The following ATRX variants were observed in gnomAD, a reference collection of about 807,000 sequenced individuals.
The protein encoded by ATRX is chromatin remodeler ATRX.
Under a neutral mutation model 172.6 loss-of-function variants are expected in ATRX, and 12 were observed. The observed-to-expected ratio is 0.07, with a 90% CI of 0.04 to 0.11. The LOEUF (loss-of-function observed/expected upper bound fraction) is 0.11. Among genes scored for constraint, ATRX ranks in the 10% least tolerant of loss-of-function variants. The pLI is 1.00. For synonymous variants in ATRX, 674 were observed against 594.7 expected (o/e 1.13, Z -1.94); for missense variants, 1,368 against 1,767.4 (o/e 0.77, Z 4.05).
rs782255566 is a variant in ATRX at position 77,745,124 on chromosome X, G to A, written c.21-27881C>T. Among the ~76,000 whole-genome samples, 8 of 92,237 alleles carry A rather than the reference G, an allele frequency of 8.7e-5. No individual in the cohort carries two copies. The South Asian group carries it at 3.4e-3, about 39-fold the overall frequency. The allele number at this position is 92,237 out of a possible 115,157, so 80.1% of individuals were successfully genotyped here. On this transcript the variant is annotated intron_variant, in intron 1 of 34. Transcript: ENST00000373344. ...GAGGTTGAGGCTGAAGTGAACCTCC[G>A]CCACTGCATTCCAGCCTGGGCAACA...
intron 34 of ATRX, among the ~76,000 whole-genome samples, chrX:77,519,204 C>T (rs782719458): frequency 1.8e-5 from 2 of 111,016 alleles, no homozygotes; most frequent in East Asian, 2.8e-4. Context: ...ATCAACAAGG[C>T]GAAGAGACAA....
At chrX:77,528,543 A>G (rs1453374738) in intron 30 of ATRX, among the ~76,000 whole-genome samples, 1 of 104,733 alleles carries the variant, frequency 9.5e-6, no homozygotes, top group African/African-American at 3.5e-5. Flanking sequence ...AGCTAACCAC[A>G]GGAGCCCTAC....
chrX:77,506,502 T>C lies in ATRX; in HGVS notation c.*1849A>G. ...GGTCTAGTAAATCAGGTTTAAAATA[T>C]TCTGAACTTGTAGAAATACCAACTG... On this transcript the variant is annotated 3_prime_UTR_variant, in exon 35 of 35. Transcript: ENST00000373344. The C allele has an allele frequency of 5.7e-6, 1 of 175,590 alleles. No individual in the cohort carries two copies. Among genetic ancestry groups the C allele is most frequent in the Non-Finnish European group, 1.1e-5 (1 of 91,379 alleles). 14.5% of individuals were successfully genotyped at this position (175,590 alleles called of 1,213,427 possible). A position where few individuals can be genotyped will look rare whatever the true frequency, so the allele number is the denominator to read the frequency against.
intron 10 of ATRX, among the ~76,000 whole-genome samples, chrX:77,671,509 C>T (rs972733895): frequency 4.6e-5 from 5 of 108,881 alleles, no homozygotes; most frequent in Non-Finnish European, 9.5e-5. Context: ...ATGTGTATTC[C>T]CTAATTTTAT....
intron 19 of ATRX, among the ~76,000 whole-genome samples, chrX:77,627,699 C>CA (rs782249390): frequency 0.018 from 1,298 of 72,861 alleles, 10 homozygotes; most frequent in Non-Finnish European, 0.022. Flanking sequence ...CTGTCTCTAC[C>CA]AAAAAAAAAA....
At position 77,684,088 on chromosome X, in the gene ATRX, G is replaced by A. The variant is rs150484080; in HGVS notation, c.1168C>T (p.Arg390Cys). Residue 390 changes from arginine to cysteine, a missense_variant, in exon 9 of 35, where the codon CGT becomes TGT. Transcript: ENST00000373344. ...NSEISSATKL[R>C]QLKAFKSVLA... ...ACAGACTTAAAAGCCTTAAGCTGAC[G>A]TAATTTTGTAGCAGAACTGATTTCT... is the stretch of plus-strand genomic sequence containing the variant. The A allele has an allele frequency of 5.1e-5, 62 of 1,206,393 alleles. No homozygotes were observed. Among genetic ancestry groups the A allele is most frequent in the South Asian group, 3.4e-4 (19 of 56,442 alleles).
intron 9 of ATRX, among the ~76,000 whole-genome samples, chrX:77,677,267 T>C (rs2070928740): frequency 8.9e-6 from 1 of 111,944 alleles, no homozygotes; most frequent in East Asian, 2.8e-4. Context: ...CCGTTTAATC[T>C]GAAATGCATC....
At chrX:77,601,073 T>C (rs1557086897) in intron 22 of ATRX, among the ~76,000 whole-genome samples, 1 of 110,977 alleles carries the variant, frequency 9.0e-6, no homozygotes, top group African/African-American at 3.3e-5. Flanking sequence ...TCCCCTAAAT[T>C]CTATCCATGG....
At chrX:77,676,878 T>C (rs1482560729) in intron 9 of ATRX, among the ~76,000 whole-genome samples, 1 of 112,003 alleles carries the variant, frequency 8.9e-6, no homozygotes, top group African/African-American at 3.2e-5. Context: ...TCCCAGCACT[T>C]TGGGAAGCCA....
At chrX:77,736,142 G>A (rs2074552414) in intron 1 of ATRX, among the ~76,000 whole-genome samples, 1 of 111,590 alleles carries the variant, frequency 9.0e-6, no homozygotes, top group Non-Finnish European at 1.9e-5. Context: ...AAACTCTCTA[G>A]GCCATTAGTC....
chrX:77,593,557 G>A, intron 26 of ATRX, 139 bp downstream of exon 26: 1 of 607,852 alleles, frequency 1.6e-6, no homozygotes, highest in Non-Finnish European at 2.6e-6. Flanking sequence ...TGCTTGTATT[G>A]GCCTAGCACT....
chrX:77,581,311 C>G, intron 27 of ATRX, among the ~76,000 whole-genome samples: 1 of 111,253 alleles, frequency 9.0e-6, no homozygotes, highest in Non-Finnish European at 1.9e-5. Context: ...GATCTGTTGC[C>G]TACAAGAACA....
At position 77,599,762 on chromosome X, in the gene ATRX, G is replaced by A. The variant is rs1557086122; in HGVS notation, c.5756C>T (p.Ser1919Phe). 1 of 1,210,127 alleles carries A rather than the reference G, an allele frequency of 8.3e-7. No individual in the cohort carries two copies. Among genetic ancestry groups the A allele is most frequent in the South Asian group, 1.8e-5 (1 of 56,948 alleles). ...EFIASDSDET[S>F]MSLSSDDYTK... ...ATAATCATCGGAGCTTAAACTCATG[G>A]AGGTTTCATCAGAATCTGAGGCTAT... The change falls in exon 24 of 35, where the codon TCC (serine) becomes TTC (phenylalanine). Residue 1919 changes from serine to phenylalanine, a missense_variant. Around this residue, in one of 17 missense-constraint regions of ATRX, gnomAD observed 17 missense variants for 17.7 expected, o/e 0.96. Coordinates refer to ENST00000373344, the MANE Select transcript of ATRX (RefSeq NM_000489.6).
chrX:77,616,874 C>A lies in ATRX; in HGVS notation c.5449-144G>T. The A allele has an allele frequency of 6.5e-6, 3 of 459,268 alleles. No homozygotes were observed. The Admixed American group carries it at 1.0e-4, about 16-fold the overall frequency. The allele number at this position is 459,268 out of a possible 1,213,427, so 37.8% of individuals were successfully genotyped here. A position where few individuals can be genotyped will look rare whatever the true frequency, so the allele number is the denominator to read the frequency against. On this transcript the variant is annotated intron_variant, in intron 21 of 34. Transcript: ENST00000373344. ...GAAAACATTTTCTTAAATATATTTA[C>A]CCTTTCTAAACCCACAATTATCTAC...
intron 1 of ATRX, among the ~76,000 whole-genome samples, chrX:77,717,601 CAAAAA>C (rs1266020316): frequency 6.0e-5 from 2 of 33,307 alleles, no homozygotes; most frequent in African/African-American, 1.0e-4. Context: ...GACCCTGTCT[CAAAAA>C]AAAAAAAAAA....
chrX:77,697,519 G>T, intron 4 of ATRX, 64 bp downstream of exon 4: 2 of 1,140,418 alleles, frequency 1.8e-6, no homozygotes, highest in Non-Finnish European at 2.4e-6. Flanking sequence ...AAAAAACATG[G>T]TTTTAGAAAC....
intron 30 of ATRX, among the ~76,000 whole-genome samples, chrX:77,528,901 G>A (rs782009533): frequency 8.9e-6 from 1 of 112,032 alleles, no homozygotes; most frequent in South Asian, 3.7e-4. Context: ...CCAAGGCAAA[G>A]AAGCTAAGAA....
intron 22 of ATRX, among the ~76,000 whole-genome samples, chrX:77,614,162 GA>G (rs782246117): frequency 9.0e-6 from 1 of 111,645 alleles, no homozygotes; most frequent in East Asian, 2.8e-4. Flanking sequence ...GCCTAATGTA[GA>G]AACAAAAAAT....
intron 6 of ATRX, among the ~76,000 whole-genome samples, chrX:77,690,571 C>T (rs1285065462): frequency 1.8e-5 from 2 of 111,235 alleles, no homozygotes; most frequent in African/African-American, 3.3e-5. Flanking sequence ...TCAAGCAATC[C>T]TCCTATCTCA....
Sources: allele counts gnomAD v4.1 joint callset (sites outside exome capture counted in the v4.1 genomes callset), GRCh38; gene constraint gnomAD v4.1.1; regional missense constraint gnomAD v4.1.1; transcripts MANE v1.5; gene names NCBI Gene and HGNC (gene_info 2026-07-23, HGNC 2026-07-21).